The following PIAS1 variants were observed in gnomAD, a reference collection of about 807,000 sequenced individuals.
The protein encoded by PIAS1 is protein inhibitor of activated STAT 1, also known as E3 SUMO-protein ligase PIAS1.
A neutral mutation model predicts 71.3 loss-of-function variants in PIAS1; 6 were observed. The ratio of observed to expected loss-of-function variants is 0.08; its 90% CI spans 0.05 to 0.17. PIAS1 has a LOEUF of 0.17. PIAS1 is among the 10% of genes least tolerant of loss of function. The pLI, the probability that PIAS1 is intolerant of heterozygous loss-of-function variation, is 1.00. For synonymous variants in PIAS1, 303 were observed against 292.9 expected, an observed-to-expected ratio of 1.03 and a Z score of -0.35; for missense variants, 555 against 793.6, an observed-to-expected ratio of 0.70 and a Z score of 3.61.
At chr15:68,177,278 CAAAA>C (rs3083984) in intron 11 of PIAS1, among the ~76,000 whole-genome samples, 8 of 90,876 alleles carry the variant, frequency 8.8e-5, no homozygotes, top group Admixed American at 4.2e-4. Context: ...GACTTTGTCT[CAAAA>C]AAAAAAAAAA....
chr15:68,187,812 C>A lies in PIAS1; in HGVS notation c.1933C>A (p.Pro645Thr). The change falls in exon 14 of 14, where the codon CCA (proline) becomes ACA (threonine). Residue 645 changes from proline (P) to threonine (T), a missense_variant. This residue lies in a region of PIAS1 where 244 missense variants were observed against 307.5 expected (regional missense o/e 0.79). Coordinates refer to ENST00000249636, the MANE Select transcript of PIAS1 (RefSeq NM_016166.3). The surrounding 1 kb of genome is among the most constrained non-coding windows in gnomAD (Gnocchi z 5.3). ...TDTASIFGII[P>T]DIISLD Reference sequence around the variant, plus strand: ...CACGGCATCCATCTTTGGCATCATACCAGACATTATTTCATTGGACTGATT... The same window carrying A: ...CACGGCATCCATCTTTGGCATCATAACAGACATTATTTCATTGGACTGATT... 6.2e-7 allele frequency: 1 copy of A among 1,613,638 alleles called. No homozygotes were observed. Among genetic ancestry groups the A allele is most frequent in the Non-Finnish European group, 8.5e-7 (1 of 1,179,790 alleles).
chr15:68,153,804 G>T (rs2092866763), intron 7 of PIAS1, 109 bp downstream of exon 7: 1 of 638,668 alleles, frequency 1.6e-6, no homozygotes, highest in South Asian at 1.9e-5. Context: ...GGAGCCTGTT[G>T]TGTAGTTCTT....
At chr15:68,103,153 C>A (rs373839547) in intron 2 of PIAS1, among the ~76,000 whole-genome samples, 1 of 152,078 alleles carries the variant, frequency 6.6e-6, no homozygotes, top group East Asian at 1.9e-4. Flanking sequence ...TCTCGAACTC[C>A]TGGCCTCAAG....
chr15:68,154,228 TACG>T (rs770607978), intron 7 of PIAS1, among the ~76,000 whole-genome samples: 20 of 152,348 alleles, frequency 1.3e-4, no homozygotes, highest in Non-Finnish European at 2.6e-4. Context: ...TCTGGGTTCA[TACG>T]TGTGAATTAC....
rs1359680987 is a variant in PIAS1 at position 68,186,848 on chromosome 15, A to G, written c.1663-694A>G. Among the ~76,000 whole-genome samples the G allele has an allele frequency of 6.6e-6, 1 of 152,266 alleles. No individual in the cohort carries two copies. The highest frequency in any genetic ancestry group is 1.5e-5 in the Non-Finnish European group (1 of 68,046). On this transcript the variant is annotated intron_variant, in intron 13 of 13. Transcript: ENST00000249636. This position sits in a 1 kb window ranked among gnomAD's most constrained non-coding sequence, Gnocchi z 4.4. ...CTGGGAGCAGTAGGCCAGACCACAC[A>G]GCCTAGGTGTGTAGCAGGCTCTACT...
At chr15:68,084,561 C>T (rs1469315521) in intron 1 of PIAS1, among the ~76,000 whole-genome samples, 1 of 152,166 alleles carries the variant, frequency 6.6e-6, no homozygotes, top group Admixed American at 6.6e-5. Context: ...TATATCTTTG[C>T]ATGCCTCTAC....
In PIAS1 at chr15:68,088,176, G is replaced by GTATA. The variant is rs71455574; in HGVS notation, c.469+1448_469+1451dup. The stretch of plus-strand genomic sequence containing the variant: ...TTCTTGTCTGTCTGATTATGTGTGT[G>GTATA]TATATATATATATATATATATATAT... On this transcript the variant is annotated intron_variant, in intron 2 of 13. Coordinates refer to ENST00000249636, the MANE Select transcript of PIAS1 (RefSeq NM_016166.3). 4.0e-3 allele frequency among the ~76,000 whole-genome samples: 291 copies of GTATA among 72,998 alleles called. 6 individuals are homozygous for GTATA. The highest frequency in any genetic ancestry group is 0.013 in the African/African-American group (215 of 16,142). The allele number at this position is 72,998 out of a possible 152,430, so 47.9% of individuals were successfully genotyped here. A position where few individuals can be genotyped will look rare whatever the true frequency, so the allele number is the denominator to read the frequency against.
At chr15:68,104,462 T>A (rs1280776418) in intron 2 of PIAS1, among the ~76,000 whole-genome samples, 2 of 152,202 alleles carry the variant, frequency 1.3e-5, no homozygotes, top group African/African-American at 4.8e-5. Context: ...GTAATTACTG[T>A]GTCTTGCCTC....
chr15:68,100,894 T>G (rs1464971459), intron 2 of PIAS1, among the ~76,000 whole-genome samples: 1 of 63,916 alleles, frequency 1.6e-5, no homozygotes, highest in Non-Finnish European at 2.8e-5. Context: ...TTGTTGTTTT[T>G]GTTTTGTTTT....
intron 1 of PIAS1, among the ~76,000 whole-genome samples, chr15:68,065,915 CTTTTTTTTTTTTTTT>C (rs869104577): frequency 2.5e-5 from 1 of 40,160 alleles, no homozygotes; most frequent in African/African-American, 1.3e-4. Context: ...TGACTAAAAG[CTTTTTTTTTTTTTTT>C]TTTTTTTTTT....
chr15:68,103,134 C>G (rs2092441565), intron 2 of PIAS1, among the ~76,000 whole-genome samples: 1 of 152,140 alleles, frequency 6.6e-6, no homozygotes, highest in East Asian at 1.9e-4. Context: ...ACTATGTTGG[C>G]TAGGCTGGTC....
chr15:68,099,025 A>G (rs1595722881), intron 2 of PIAS1, among the ~76,000 whole-genome samples: 1 of 152,120 alleles, frequency 6.6e-6, no homozygotes, highest in African/African-American at 2.4e-5. Flanking sequence ...TGTGCCTTCA[A>G]CGATACCATG....
intron 1 of PIAS1, among the ~76,000 whole-genome samples, chr15:68,071,477 A>G (rs1417751881): frequency 6.6e-6 from 1 of 150,568 alleles, no homozygotes; most frequent in Non-Finnish European, 1.5e-5. Flanking sequence ...GGCCTCCCAA[A>G]GTGCTGGGAT....
intron 10 of PIAS1, 100 bp downstream of exon 10, chr15:68,175,867 G>C (rs2093017473): frequency 1.7e-5 from 12 of 688,120 alleles, no homozygotes; most frequent in Non-Finnish European, 2.4e-5. Context: ...TGAGCAGTTT[G>C]TGGATAGCTT....
intron 1 of PIAS1, among the ~76,000 whole-genome samples, chr15:68,058,026 G>A (rs566486187): frequency 6.6e-6 from 1 of 152,338 alleles, no homozygotes; most frequent in East Asian, 1.9e-4. Context: ...CCATCAGCAT[G>A]CTGCTCCAGG....
At chr15:68,112,305 C>T (rs545317142) in intron 2 of PIAS1, among the ~76,000 whole-genome samples, 121 of 152,220 alleles carry the variant, frequency 7.9e-4, no homozygotes, top group African/African-American at 2.8e-3. Context: ...AGTCCCCCAT[C>T]TTAAAAAAAC....
chr15:68,110,975 C>T (rs891272312), intron 2 of PIAS1, among the ~76,000 whole-genome samples: 2 of 152,090 alleles, frequency 1.3e-5, no homozygotes, highest in Admixed American at 1.3e-4. Context: ...ATGATATGTA[C>T]TTTCTCTGGT....
At chr15:68,129,119 T>C (rs2092671828) in intron 2 of PIAS1, among the ~76,000 whole-genome samples, 1 of 152,158 alleles carries the variant, frequency 6.6e-6, no homozygotes, top group Admixed American at 6.6e-5. Context: ...TGGAATGCAG[T>C]GGTACGATCA....
At chr15:68,127,952 A>G (rs1353721286) in intron 2 of PIAS1, among the ~76,000 whole-genome samples, 1 of 151,976 alleles carries the variant, frequency 6.6e-6, no homozygotes, top group East Asian at 1.9e-4. Context: ...TTTAGTAGAG[A>G]TGGGGTTTCA....
Sources: gnomAD v4.1 joint callset for allele counts (sites outside exome capture counted in the v4.1 genomes callset) on GRCh38, gnomAD v4.1.1 for gene constraint, gnomAD v4.1.1 regional missense constraint, Gnocchi (gnomAD v3.1) non-coding constraint, MANE v1.5 for transcripts, NCBI Gene and HGNC (gene_info 2026-07-23, HGNC 2026-07-21) for gene names.